The following PLEKHM3 variants were observed in gnomAD, a reference collection of about 807,000 sequenced individuals.
PLEKHM3 encodes the protein pleckstrin homology domain containing M3.
In PLEKHM3, 45 loss-of-function variants were observed where a neutral mutation model predicts 81.8. The observed-to-expected ratio is 0.55, with a 90% CI of 0.43 to 0.71. PLEKHM3 has a LOEUF of 0.71. Ranked by LOEUF, PLEKHM3 falls within the 30% of genes least tolerant of loss-of-function variation. PLEKHM3 has a pLI of 0.00. For missense variants in PLEKHM3, 788 were observed against 924.3 expected, an observed-to-expected ratio of 0.85 and a Z score of 1.91; for synonymous variants, 352 against 356.4, an observed-to-expected ratio of 0.99 and a Z score of 0.14.
rs552575446 is a variant in PLEKHM3 at position 207,923,586 on chromosome 2, G to A, written c.1886+7340C>T. 3.9e-5 allele frequency among the ~76,000 whole-genome samples: 6 copies of A among 152,094 alleles called. No homozygotes were observed. In the East Asian group the frequency reaches 5.8e-4, roughly 15 times the overall value. On this transcript the variant is annotated intron_variant, in intron 5 of 7. Transcript: ENST00000427836. ...GGCACCATTGCACTCCAGCCTGGGT[G>A]ACAAGAGCGAAACTCTGTCTCACAC...
rs543153859 is a variant in PLEKHM3 at position 207,859,686 on chromosome 2, C to T, written c.2108+1419G>A. Among the ~76,000 whole-genome samples the T allele has an allele frequency of 4.6e-5, 7 of 152,032 alleles. No homozygotes were observed. In the East Asian group the frequency reaches 1.2e-3, roughly 25 times the overall value. On this transcript the variant is annotated intron_variant, in intron 7 of 7. Transcript: ENST00000427836. Reference sequence around the variant, plus strand: ...AATCTCAGCTTACTATAGCCTCCACCGCCTGGGTTCAAGTGATTCTCCTGC... The same window carrying T: ...AATCTCAGCTTACTATAGCCTCCACTGCCTGGGTTCAAGTGATTCTCCTGC...
intron 7 of PLEKHM3, among the ~76,000 whole-genome samples, chr2:207,858,735 C>T (rs1259538551): frequency 3.9e-5 from 6 of 152,142 alleles, no homozygotes; most frequent in African/African-American, 1.4e-4. Flanking sequence ...CCCACCTGCG[C>T]CTCCCAAAGC....
intron 5 of PLEKHM3, among the ~76,000 whole-genome samples, chr2:207,910,523 C>A (rs1688777835): frequency 6.6e-6 from 1 of 152,156 alleles, no homozygotes; most frequent in Non-Finnish European, 1.5e-5. Context: ...AGGCAAAGAC[C>A]AATTTGCCCA....
chr2:207,975,119 C>T (rs1174025031), intron 3 of PLEKHM3, among the ~76,000 whole-genome samples: 7 of 152,082 alleles, frequency 4.6e-5, no homozygotes, highest in South Asian at 2.1e-4. Flanking sequence ...TGAGCCACCG[C>T]GCCCAGTCTA....
At chr2:207,932,965 T>C (rs997850522) in intron 4 of PLEKHM3, among the ~76,000 whole-genome samples, 5 of 152,236 alleles carry the variant, frequency 3.3e-5, no homozygotes, top group African/African-American at 1.2e-4. Flanking sequence ...GCAAAGCTTA[T>C]ACCAAAGTTT....
Position 207,887,730 on chromosome 2 carries a change from T to C in PLEKHM3, c.1950+20784A>G, listed in dbSNP as rs115415007. Among the ~76,000 whole-genome samples the C allele has an allele frequency of 6.9e-3, 1,054 of 152,330 alleles. 15 individuals carry two copies. Among genetic ancestry groups the C allele is most frequent in the African/African-American group, 0.024 (1,001 of 41,582 alleles). On this transcript the variant is annotated intron_variant, in intron 6 of 7. Transcript: ENST00000427836. ...CATATATTAACATATCTAAGCTTGT[T>C]GCCTTTCATGTGTCTCATCCCTTTT...
intron 3 of PLEKHM3, among the ~76,000 whole-genome samples, chr2:207,971,275 T>C (rs1691111411): frequency 6.6e-6 from 1 of 152,194 alleles, no homozygotes; most frequent in Non-Finnish European, 1.5e-5. Flanking sequence ...ATCTATTAAG[T>C]GCAAATAGGT....
chr2:207,935,951 C>T (rs963836622), intron 4 of PLEKHM3, among the ~76,000 whole-genome samples: 2 of 152,238 alleles, frequency 1.3e-5, no homozygotes, highest in Admixed American at 6.5e-5. Context: ...TTCATTTATA[C>T]AAAAGTTACT....
intron 2 of PLEKHM3, among the ~76,000 whole-genome samples, chr2:207,995,351 T>C (rs981820202): frequency 6.6e-6 from 1 of 152,192 alleles, no homozygotes; most frequent in African/African-American, 2.4e-5. Context: ...TATACCTATA[T>C]TGGTTAATTT....
intron 4 of PLEKHM3, among the ~76,000 whole-genome samples, chr2:207,931,564 A>G (rs1348101757): frequency 6.6e-6 from 1 of 152,278 alleles, no homozygotes; most frequent in Non-Finnish European, 1.5e-5. Context: ...ATAAAAAAGG[A>G]ATTAAGAAGA....
chr2:208,016,571 C>G (rs188134955), intron 1 of PLEKHM3, among the ~76,000 whole-genome samples: 33 of 149,660 alleles, frequency 2.2e-4, no homozygotes, highest in Admixed American at 1.2e-3. Flanking sequence ...ACTGCTGGAG[C>G]CTTGGGAGGC....
chr2:207,940,859 G>A (rs910025064), intron 4 of PLEKHM3, among the ~76,000 whole-genome samples: 1 of 152,168 alleles, frequency 6.6e-6, no homozygotes, highest in South Asian at 2.1e-4. Flanking sequence ...GTGGAAAGAT[G>A]GTCACTAAAC....
intron 2 of PLEKHM3, among the ~76,000 whole-genome samples, chr2:207,983,591 A>G (rs200256352): frequency 7.1e-5 from 1 of 14,102 alleles, no homozygotes; most frequent in Non-Finnish European, 2.1e-4. Flanking sequence ...CATGAAAAAG[A>G]AAAAAAAAAA....
chr2:207,924,058 A>G (rs1347009223), intron 5 of PLEKHM3, among the ~76,000 whole-genome samples: 1 of 150,700 alleles, frequency 6.6e-6, no homozygotes, highest in Non-Finnish European at 1.5e-5. Flanking sequence ...GGTGCATGCC[A>G]CCATGCCCTG....
Position 207,905,598 on chromosome 2 carries a change from C to T in PLEKHM3, c.1950+2916G>A, listed in dbSNP as rs559420842. Among the ~76,000 whole-genome samples the T allele has an allele frequency of 1.6e-3, 250 of 152,266 alleles. 2 individuals carry two copies. Among genetic ancestry groups the T allele is most frequent in the African/African-American group, 5.7e-3 (236 of 41,566 alleles). The stretch of plus-strand genomic sequence containing the variant: ...GGGGATGCCCTTCAGTGCTGATAGC[C>T]AAGATGCAGACAGATCAAAAGCTAA... On this transcript the variant is annotated intron_variant, in intron 6 of 7. Coordinates refer to ENST00000427836, the MANE Select transcript of PLEKHM3 (RefSeq NM_001080475.3).
At chr2:207,890,718 A>G (rs920042867) in intron 6 of PLEKHM3, among the ~76,000 whole-genome samples, 1 of 152,190 alleles carries the variant, frequency 6.6e-6, no homozygotes, top group African/African-American at 2.4e-5. Context: ...TAGCAACATC[A>G]TCTACCAAAC....
intron 6 of PLEKHM3, among the ~76,000 whole-genome samples, chr2:207,865,838 A>ATATT (rs1553546040): frequency 9.2e-6 from 1 of 108,610 alleles, no homozygotes; most frequent in African/African-American, 3.4e-5. Context: ...ATATATATAT[A>ATATT]CTTTCTGTCT....
intron 1 of PLEKHM3, among the ~76,000 whole-genome samples, chr2:208,015,725 T>C (rs1190980715): frequency 6.6e-6 from 1 of 152,244 alleles, no homozygotes; most frequent in Non-Finnish European, 1.5e-5. Flanking sequence ...AGCCTTTTAC[T>C]AGTGTTTCCC....
intron 5 of PLEKHM3, among the ~76,000 whole-genome samples, chr2:207,922,047 G>A (rs1006787806): frequency 2.7e-4 from 41 of 152,238 alleles, no homozygotes; most frequent in African/African-American, 9.2e-4. Flanking sequence ...TTAGTTTTTT[G>A]AGGAAGCTCC....
Sources: gnomAD v4.1 joint callset for allele counts (sites outside exome capture counted in the v4.1 genomes callset) on GRCh38, gnomAD v4.1.1 for gene constraint, MANE v1.5 for transcripts, NCBI Gene and HGNC (gene_info 2026-07-23, HGNC 2026-07-21) for gene names.